SLC2A9: variants seen among roughly 807,000 people sequenced by gnomAD.
The protein encoded by SLC2A9 is solute carrier family 2 member 9.
A neutral mutation model predicts 50.6 loss-of-function variants in SLC2A9; 39 were observed. That is an observed-to-expected ratio of 0.77 (90% CI 0.60 to 1.01). SLC2A9 has a LOEUF of 1.01. Among genes scored for constraint, SLC2A9 ranks in the 50% least tolerant of loss-of-function variants. The pLI is 0.00. For missense variants in SLC2A9, 686 were observed against 677.6 expected (o/e 1.01, Z -0.14); for synonymous variants, 324 against 276.9 (o/e 1.17, Z -1.69).
chr4:9,827,727 ATGTTCCACACCTGG>A (rs917113907), intron 11 of SLC2A9, among the ~76,000 whole-genome samples: 6 of 152,196 alleles, frequency 3.9e-5, no homozygotes, highest in Admixed American at 1.3e-4. Flanking sequence ...CATGCAGTAA[ATGTTCCACACCTGG>A]GGGTGCTTAG....
At chr4:9,796,864 G>A (rs989202647), downstream of SLC2A9, among the ~76,000 whole-genome samples, 6 of 152,122 alleles carry the variant, frequency 3.9e-5, no homozygotes, top group Admixed American at 6.5e-5. Flanking sequence ...AATGTTTAAC[G>A]CCTCTGCTTG....
intron 1 of SLC2A9, among the ~76,000 whole-genome samples, chr4:10,032,681 T>C (rs377594138): frequency 5.9e-5 from 9 of 152,154 alleles, no homozygotes; most frequent in African/African-American, 2.2e-4. Context: ...AAGTCCTCCA[T>C]GCACACAGTC....
At chr4:9,903,131 C>T (rs1739971665) in intron 8 of SLC2A9, among the ~76,000 whole-genome samples, 3 of 152,162 alleles carry the variant, frequency 2.0e-5, no homozygotes. Flanking sequence ...TCCCTTTTAC[C>T]ACGTTCTGCT....
intron 6 of SLC2A9, among the ~76,000 whole-genome samples, chr4:9,935,668 C>A (rs1331399618): frequency 6.6e-6 from 1 of 152,208 alleles, no homozygotes; most frequent in African/African-American, 2.4e-5. Context: ...AACAAGATTG[C>A]TGTCCAAGAA....
chr4:9,939,047 C>G (rs1309578639), intron 6 of SLC2A9, among the ~76,000 whole-genome samples: 1 of 152,154 alleles, frequency 6.6e-6, no homozygotes. Context: ...TCCACTCTGA[C>G]TTTGGGTTAG....
At chr4:10,021,677 T>TA (rs1019621862), upstream of SLC2A9, among the ~76,000 whole-genome samples, 4 of 116,280 alleles carry the variant, frequency 3.4e-5, no homozygotes, top group African/African-American at 1.5e-4. Context: ...GGGGGTGGAA[T>TA]TTTTTTTTTT....
intron 10 of SLC2A9, among the ~76,000 whole-genome samples, chr4:9,873,708 G>T (rs1733818403): frequency 6.6e-6 from 1 of 152,160 alleles, no homozygotes; most frequent in African/African-American, 2.4e-5. Context: ...TAGATAGGAG[G>T]AAATCATCTA....
intron 10 of SLC2A9, among the ~76,000 whole-genome samples, chr4:9,838,202 G>T (rs918198585): frequency 1.6e-4 from 24 of 152,252 alleles, no homozygotes; most frequent in Admixed American, 1.4e-3. Context: ...TTAGCAAGAA[G>T]TGATGGTGAT....
chr4:9,815,986 A>G (rs188254193), intron 3 of SLC2A9, among the ~76,000 whole-genome samples: 1 of 152,210 alleles, frequency 6.6e-6, no homozygotes, highest in Non-Finnish European at 1.5e-5. Context: ...CCTGGCCAAT[A>G]TGGTGAAACT....
chr4:9,969,877 C>T (rs574792633), intron 5 of SLC2A9, among the ~76,000 whole-genome samples: 2 of 152,324 alleles, frequency 1.3e-5, no homozygotes, highest in Admixed American at 6.5e-5. Context: ...AGCTACAATT[C>T]AAGATGAGAT....
chr4:9,996,545 C>CA (rs1758703574), intron 3 of SLC2A9, among the ~76,000 whole-genome samples: 1 of 152,056 alleles, frequency 6.6e-6, no homozygotes, highest in Non-Finnish European at 1.5e-5. Flanking sequence ...GGTGCTGTGG[C>CA]TCTGACACAG....
chr4:9,985,623 C>T lies in SLC2A9; in HGVS notation c.535+46G>A, dbSNP rs1015882237. 5 of 1,612,686 alleles carry T rather than the reference C, an allele frequency of 3.1e-6. No individual in the cohort carries two copies. In the African/African-American group the frequency reaches 4.0e-5, roughly 13 times the overall value. On this transcript the variant is annotated intron_variant, in intron 4 of 11. Coordinates refer to ENST00000264784, the MANE Select transcript of SLC2A9 (RefSeq NM_020041.3). The stretch of plus-strand genomic sequence containing the variant: ...ACACTTCTCACATTTTGGGACACCC[C>T]CAAGGAGTATGTTACTGTTCCCTCC...
chr4:9,853,030 G>A (rs886192111), intron 10 of SLC2A9, among the ~76,000 whole-genome samples: 2 of 152,156 alleles, frequency 1.3e-5, no homozygotes, highest in Admixed American at 1.3e-4. Flanking sequence ...ACAAAAATTA[G>A]CTGGATGTGG....
At chr4:9,776,370 T>C (rs1717570970), downstream of SLC2A9, among the ~76,000 whole-genome samples, 1 of 152,020 alleles carries the variant, frequency 6.6e-6, no homozygotes, top group Non-Finnish European at 1.5e-5. Context: ...GCCACTGATA[T>C]TCAGCCTGGA....
chr4:9,778,266 C>T (rs564227341), downstream of SLC2A9, among the ~76,000 whole-genome samples: 44 of 152,154 alleles, frequency 2.9e-4, no homozygotes, highest in African/African-American at 9.9e-4. Context: ...GTTACAGACA[C>T]ATCCCACCAC....
chr4:9,902,648 A>C (rs746420145), intron 8 of SLC2A9, among the ~76,000 whole-genome samples: 17 of 152,110 alleles, frequency 1.1e-4, no homozygotes, highest in Non-Finnish European at 2.4e-4. Context: ...CCTGGCTTCT[A>C]GTGTGTTTTG....
rs55927201 is a variant in SLC2A9 at position 9,917,325 on chromosome 4, C to CTTTTTTTTTTTTTTTTTTTTTTTTTTTTT, written c.1002+3059_1002+3060insAAAAAAAAAAAAAAAAAAAAAAAAAAAAA. 8.6e-5 allele frequency among the ~76,000 whole-genome samples: 7 copies of CTTTTTTTTTTTTTTTTTTTTTTTTTTTTT among 81,798 alleles called. 1 individual carries two copies. The highest frequency in any genetic ancestry group is 8.5e-5 in the Non-Finnish European group (4 of 46,932). The allele number at this position is 81,798 out of a possible 152,430, so 53.7% of individuals were successfully genotyped here. A position where few individuals can be genotyped will look rare whatever the true frequency, so the allele number is the denominator to read the frequency against. On this transcript the variant is annotated intron_variant, in intron 7 of 11. Coordinates refer to ENST00000264784, the MANE Select transcript of SLC2A9 (RefSeq NM_020041.3). ...CAACTTTTGAATAATTTCTTTTTTC[C>CTTTTTTTTTTTTTTTTTTTTTTTTTTTTT]TTTTTTTTTTTTTTTTTTTTTTTTT... is the stretch of plus-strand genomic sequence containing the variant.
At chr4:9,844,258 T>C (rs972537274) in intron 10 of SLC2A9, among the ~76,000 whole-genome samples, 4 of 152,080 alleles carry the variant, frequency 2.6e-5, no homozygotes, top group African/African-American at 9.7e-5. Flanking sequence ...TTGAATTTAT[T>C]TTATTCCCCT....
intron 3 of SLC2A9, among the ~76,000 whole-genome samples, chr4:9,816,995 G>A (rs545719342): frequency 7.2e-5 from 11 of 152,260 alleles, no homozygotes; most frequent in Non-Finnish European, 1.3e-4. Context: ...GCTTCTACAA[G>A]CTGCCTGCTA....
Sources: allele counts gnomAD v4.1 joint callset (sites outside exome capture counted in the v4.1 genomes callset), GRCh38; gene constraint gnomAD v4.1.1; transcripts MANE v1.5; gene names NCBI Gene and HGNC (gene_info 2026-07-23, HGNC 2026-07-21).